The following PAPPA variants were observed in gnomAD, a reference collection of about 807,000 sequenced individuals.
The protein encoded by PAPPA is pappalysin-1.
A neutral mutation model predicts 164.0 loss-of-function variants in PAPPA; 60 were observed. That is an observed-to-expected ratio of 0.37 (90% confidence interval 0.30 to 0.45). PAPPA has a LOEUF of 0.45. Ranked by LOEUF, PAPPA falls within the 20% of genes least tolerant of loss-of-function variation. The pLI is 1.00. For missense variants in PAPPA, 1,782 were observed against 2,087.3 expected (o/e 0.85, Z 2.85); for synonymous variants, 875 against 814.1 (o/e 1.07, Z -1.27).
In PAPPA at chr9:116,331,384, A is replaced by G. The variant is rs199784833; in HGVS notation, c.3261+27A>G. ...TAAGCTGAAGCTCTGAGAGCTTTGG[A>G]ATCTCCAGCAGCGAGCCACAGAAAA... On this transcript the variant is annotated intron_variant, in intron 11 of 21. Transcript: ENST00000328252. The G allele has an allele frequency of 2.2e-6, 3 of 1,347,484 alleles. No homozygotes were observed. The East Asian group carries it at 6.9e-5, about 31-fold the overall frequency. 83.5% of individuals were successfully genotyped at this position (1,347,484 alleles called of 1,614,324 possible).
intron 5 of PAPPA, among the ~76,000 whole-genome samples, chr9:116,220,375 G>A (rs892488152): frequency 2.0e-5 from 3 of 151,960 alleles, no homozygotes; most frequent in East Asian, 1.9e-4. Context: ...TTTGTTATTA[G>A]AAACTTGGAA....
intron 2 of PAPPA, among the ~76,000 whole-genome samples, chr9:116,204,633 C>G (rs1380300972): frequency 6.6e-6 from 1 of 152,066 alleles, no homozygotes; most frequent in East Asian, 1.9e-4. Context: ...CCAAGCTGAT[C>G]TCAAACTCCT....
intron 17 of PAPPA, among the ~76,000 whole-genome samples, chr9:116,358,802 C>A (rs1426517477): frequency 1.3e-5 from 2 of 152,198 alleles, no homozygotes; most frequent in Non-Finnish European, 2.9e-5. Context: ...CATTGGCAAC[C>A]TTTGTGACTT....
intron 4 of PAPPA, among the ~76,000 whole-genome samples, chr9:116,216,895 C>A (rs1332410864): frequency 1.3e-5 from 2 of 152,068 alleles, no homozygotes; most frequent in African/African-American, 4.8e-5. Flanking sequence ...GCGTGCACCA[C>A]CATGCCCAGC....
chr9:116,299,088 G>A (rs564545659), intron 9 of PAPPA, among the ~76,000 whole-genome samples: 7 of 152,238 alleles, frequency 4.6e-5, no homozygotes, highest in East Asian at 1.9e-4. Flanking sequence ...CCCCAGACAC[G>A]GGCTGGCAGA....
At chr9:116,194,251 C>T (rs374236621) in intron 2 of PAPPA, among the ~76,000 whole-genome samples, 61 of 152,286 alleles carry the variant, frequency 4.0e-4, no homozygotes, top group Middle Eastern at 3.4e-3. Flanking sequence ...TCCAATTCCA[C>T]ATCTATTTGG....
At chr9:116,353,335 T>C (rs1846308964) in intron 16 of PAPPA, among the ~76,000 whole-genome samples, 1 of 152,140 alleles carries the variant, frequency 6.6e-6, no homozygotes, top group Admixed American at 6.5e-5. Flanking sequence ...CCAACACACA[T>C]CAGAACACTC....
Position 116,187,758 on chromosome 9 carries a change from C to T in PAPPA, c.1020C>T (p.Ser340=). 6 of 1,614,242 alleles carry T rather than the reference C, an allele frequency of 3.7e-6. No individual in the cohort carries two copies. The highest frequency in any genetic ancestry group is 5.1e-6 in the Non-Finnish European group (6 of 1,180,046). Residue 340 remains serine, a synonymous_variant, in exon 2 of 22, where the codon AGC becomes AGT. Transcript: ENST00000328252. The surrounding 1 kb of genome is among the most constrained non-coding windows in gnomAD (Gnocchi z 4.2). ...TLCDNTEVIA[S]YNQLSSFRQP... is the part of the protein sequence containing the mutation. ...GTGACAACACAGAGGTCATTGCCAG[C>T]TACAATCAGCTCTCAAGTTTCCGCC...
At position 116,396,269 on chromosome 9, in the gene PAPPA, T is replaced by C. The variant is rs147962405; in HGVS notation, c.4777-240T>C. ...TCTTGTTTGGAAATCACTGAGTACATTGCCTTACCCCATAGCAAATGCCTG... is the reference window on the plus strand; with the variant it reads ...TCTTGTTTGGAAATCACTGAGTACACTGCCTTACCCCATAGCAAATGCCTG... On this transcript the variant is annotated intron_variant, in intron 21 of 21. Transcript: ENST00000328252. 3.0e-4 allele frequency among the ~76,000 whole-genome samples: 46 copies of C among 152,338 alleles called. No homozygotes were observed. In the East Asian group the frequency reaches 8.7e-3, roughly 29 times the overall value.
intron 11 of PAPPA, 75 bp downstream of exon 11, chr9:116,331,432 T>C: frequency 1.2e-6 from 1 of 863,076 alleles, no homozygotes; most frequent in East Asian, 2.4e-5. Context: ...TGACCCTTTC[T>C]GAAGATGGGT....
chr9:116,354,516 C>T (rs1178767460), intron 17 of PAPPA, among the ~76,000 whole-genome samples: 1 of 152,206 alleles, frequency 6.6e-6, no homozygotes, highest in African/African-American at 2.4e-5. Flanking sequence ...GATTTCAGTG[C>T]AGGCGTCGTC....
At chr9:116,364,602 C>T (rs1320229392) in intron 18 of PAPPA, among the ~76,000 whole-genome samples, 1 of 152,176 alleles carries the variant, frequency 6.6e-6, no homozygotes, top group East Asian at 1.9e-4. Context: ...CAAACACAAA[C>T]ACATTTTATG....
intron 2 of PAPPA, among the ~76,000 whole-genome samples, chr9:116,199,110 G>A (rs1844140550): frequency 6.6e-6 from 1 of 152,084 alleles, no homozygotes; most frequent in Non-Finnish European, 1.5e-5. Flanking sequence ...CTTGCCACTG[G>A]CACACTCTGC....
chr9:116,374,085 A>G (rs12000738), intron 19 of PAPPA, among the ~76,000 whole-genome samples: 1 of 151,706 alleles, frequency 6.6e-6, no homozygotes, highest in African/African-American at 2.4e-5. Context: ...CATGCTGGTG[A>G]TGATGGTGGT....
intron 17 of PAPPA, among the ~76,000 whole-genome samples, chr9:116,360,724 T>C (rs1034409391): frequency 6.6e-6 from 1 of 152,210 alleles, no homozygotes; most frequent in African/African-American, 2.4e-5. Flanking sequence ...CAAACAATTC[T>C]TGAATGAGCA....
In PAPPA at chr9:116,187,102, C is replaced by A; in HGVS notation, c.416-52C>A. ...TATTAGAGAAAAATAACTTAACCCC[C>A]CCTCCTTTTCCATCCTTTATTTATT... On this transcript the variant is annotated intron_variant, in intron 1 of 21. Coordinates refer to ENST00000328252, the MANE Select transcript of PAPPA (RefSeq NM_002581.5). The surrounding 1 kb of genome is among the most constrained non-coding windows in gnomAD (Gnocchi z 4.2). 2 of 1,304,818 alleles carry A rather than the reference C, an allele frequency of 1.5e-6. No individual in the cohort carries two copies. Among genetic ancestry groups the A allele is most frequent in the Non-Finnish European group, 2.2e-6 (2 of 913,602 alleles). The allele number at this position is 1,304,818 out of a possible 1,614,324, so 80.8% of individuals were successfully genotyped here.
rs1433803364 is a variant in PAPPA, at chr9:116,398,838, G to T, written c.*2222G>T. 1 of 375,992 alleles carries T rather than the reference G, an allele frequency of 2.7e-6. No homozygotes were observed. Among genetic ancestry groups the T allele is most frequent in the African/African-American group, 2.1e-5 (1 of 47,164 alleles). 23.3% of individuals were successfully genotyped at this position (375,992 alleles called of 1,614,324 possible). On this transcript the variant is annotated 3_prime_UTR_variant, in exon 22 of 22. Transcript: ENST00000328252. ...AATTACAAGGACAAATTATTAGCAA[G>T]AAATAAGAATAGTATTAGAAGAATT...
chr9:116,283,318 G>A (rs1437064289), intron 9 of PAPPA, among the ~76,000 whole-genome samples: 1 of 152,182 alleles, frequency 6.6e-6, no homozygotes, highest in African/African-American at 2.4e-5. Flanking sequence ...CTCTGGTGCA[G>A]GGGTTGGTGA....
intron 7 of PAPPA, among the ~76,000 whole-genome samples, chr9:116,248,647 T>C (rs956088976): frequency 1.3e-5 from 2 of 152,188 alleles, no homozygotes; most frequent in African/African-American, 4.8e-5. Flanking sequence ...TTTTGGTGCA[T>C]TTTTCCTGGA....
Sources: allele counts gnomAD v4.1 joint callset (sites outside exome capture counted in the v4.1 genomes callset), GRCh38; gene constraint gnomAD v4.1.1; non-coding constraint Gnocchi (gnomAD v3.1); transcripts MANE v1.5; gene names NCBI Gene and HGNC (gene_info 2026-07-23, HGNC 2026-07-21).